Variants in CLCNKA observed in about 807,000 individuals in gnomAD.
The protein encoded by CLCNKA is chloride channel protein ClC-Ka.
A neutral mutation model predicts 83.3 loss-of-function variants in CLCNKA; 66 were observed. That is an observed-to-expected ratio of 0.79 (90% CI 0.65 to 0.97). The LOEUF is 0.97. CLCNKA is among the 50% of genes least tolerant of loss of function. The probability of loss-of-function intolerance (pLI) is 0.00; values close to 1 mark genes in which losing one functional copy is unlikely to be tolerated. For missense variants in CLCNKA, 806 were observed against 888.7 expected (o/e 0.91, Z 1.18); for synonymous variants, 357 against 370.4 (o/e 0.96, Z 0.42).
intron 14 of CLCNKA, 51 bp downstream of exon 14, chr1:16,030,126 G>C: frequency 7.2e-7 from 1 of 1,382,018 alleles, no homozygotes. Context: ...GGCTGGGCTG[G>C]ACCTGGAGAA....
chr1:16,026,544 C>A lies in CLCNKA; in HGVS notation c.507C>A (p.Phe169Leu). Reference protein sequence around the residue: ...STLFLGKVGPFVHLSVMIAAY... With the variant: ...STLFLGKVGPLVHLSVMIAAY... ...CACCCTTCCCTCTGCAGGGCCCTTT[C>A]GTGCACCTGTCTGTAATGATCGCTG... The change falls in exon 6 of 20, where the codon TTC becomes TTA. Residue 169 changes from phenylalanine to leucine, a missense_variant. Physicochemically the swap from Phe to Leu is conservative, Grantham distance 22 (BLOSUM62 0). Transcript: ENST00000331433. The A allele has an allele frequency of 6.2e-7, 1 of 1,614,018 alleles. No homozygotes were observed. The highest frequency in any genetic ancestry group is 8.5e-7 in the Non-Finnish European group (1 of 1,180,030).
At position 16,030,477 on chromosome 1, in the gene CLCNKA, A is replaced by G. The variant is rs1358195990; in HGVS notation, c.1425A>G (p.Ser475=). 6.2e-7 allele frequency: 1 copy of G among 1,612,714 alleles called. No individual in the cohort carries two copies. The highest frequency in any genetic ancestry group is 1.1e-5 in the South Asian group (1 of 91,072). The part of the protein sequence containing the change: ...GYALAGAAAF[S]GAVTHTISTA... ...CCCCGGCAGGGGCTGCAGCCTTCTC[A>G]GGGGCTGTGACCCACACCATCTCCA... Residue 475 remains serine (S), a synonymous_variant, in exon 15 of 20, where the codon TCA becomes TCG. Transcript: ENST00000331433.
At chr1:16,029,875 T>C (rs1470557905) in intron 13 of CLCNKA, 75 bp downstream of exon 13, 6 of 1,603,626 alleles carry the variant, frequency 3.7e-6, no homozygotes, top group Non-Finnish European at 5.1e-6. Flanking sequence ...TTCACCCTCT[T>C]CCCGGGTGGT....
At chr1:16,023,269 G>T (rs1015539280) in intron 2 of CLCNKA, among the ~76,000 whole-genome samples, 17 of 152,232 alleles carry the variant, frequency 1.1e-4, no homozygotes, top group African/African-American at 3.9e-4. Flanking sequence ...GGACCCAGAG[G>T]ATACCTGGCG....
chr1:16,025,746 T>G (rs920912491), intron 4 of CLCNKA, among the ~76,000 whole-genome samples: 17 of 152,178 alleles, frequency 1.1e-4, no homozygotes, highest in East Asian at 3.8e-4. Context: ...TGAGAGTTTT[T>G]TTTGTTTGTT....
chr1:16,026,303 C>T, intron 5 of CLCNKA, 56 bp downstream of exon 5: 2 of 1,596,174 alleles, frequency 1.3e-6, no homozygotes, highest in Non-Finnish European at 8.6e-7. Flanking sequence ...CCTGCCCCAG[C>T]TCTCCCCCAT....
At chr1:16,030,416 C>A (rs540115700) in intron 14 of CLCNKA, 45 bp from the exon 15 acceptor site, 1 of 1,608,416 alleles carries the variant, frequency 6.2e-7, no homozygotes, top group Admixed American at 1.7e-5. Context: ...CAGGCTGGCC[C>A]CTGCCTCCTG....
Position 16,033,867 on chromosome 1 carries a change from C to T in CLCNKA, c.*209C>T. 1 of 659,764 alleles carries T rather than the reference C, an allele frequency of 1.5e-6. No homozygotes were observed. Among genetic ancestry groups the T allele is most frequent in the Non-Finnish European group, 2.8e-6 (1 of 359,376 alleles). The allele number at this position is 659,764 out of a possible 1,614,324, so 40.9% of individuals were successfully genotyped here. On this transcript the variant is annotated 3_prime_UTR_variant, in exon 20 of 20. Coordinates refer to ENST00000331433, the MANE Select transcript of CLCNKA (RefSeq NM_004070.4). ...CCTGCCTTGAAAGACAAAAATCCCA[C>T]CTTGGGCAGAGCTGAGTGTGAGAAG...
chr1:16,030,387 G>C, intron 14 of CLCNKA, 74 bp from the exon 15 acceptor site: 4 of 1,568,294 alleles, frequency 2.6e-6, no homozygotes, highest in East Asian at 4.5e-5. Flanking sequence ...CAGCAGCCAG[G>C]CTAGTTATTC....
intron 3 of CLCNKA, 75 bp downstream of exon 3, chr1:16,024,003 C>A: frequency 1.3e-6 from 2 of 1,578,220 alleles, no homozygotes; most frequent in Non-Finnish European, 1.7e-6. Context: ...GATGGGCCAC[C>A]AAGTGCAGCG....
Position 16,027,177 on chromosome 1 carries a change from C to T in CLCNKA, c.656-133C>T, listed in dbSNP as rs776551951. On this transcript the variant is annotated intron_variant, in intron 7 of 19. Coordinates refer to ENST00000331433, the MANE Select transcript of CLCNKA (RefSeq NM_004070.4). ...CCCAGGGCGCAAGCCCTGCCCTCCC[C>T]TTCTGTCTGTCCCTGTCCGGGCTGT... 41 of 1,367,600 alleles carry T rather than the reference C, an allele frequency of 3.0e-5. No individual in the cohort carries two copies. The Middle Eastern group carries it at 7.6e-4, about 25-fold the overall frequency. 84.7% of individuals were successfully genotyped at this position (1,367,600 alleles called of 1,614,324 possible).
At position 16,023,913 on chromosome 1, in the gene CLCNKA, G is replaced by A. The variant is rs775998841; in HGVS notation, c.214G>A (p.Gly72Arg). 8.1e-6 allele frequency: 13 copies of A among 1,614,148 alleles called. No homozygotes were observed. The highest frequency in any genetic ancestry group is 1.1e-5 in the South Asian group (1 of 91,084). The change falls in exon 3 of 20, where the codon GGG becomes AGG. Residue 72 changes from glycine to arginine, a missense_variant. Physicochemically the swap from Gly to Arg is moderately radical, Grantham distance 125. Transcript: ENST00000331433. ...CAGCTATGCCATGAACTTTGCCATC[G>A]GGTGTGTGGTCCGAGGTAACTCTTC... ...LVSYAMNFAI[G>R]CVVRAHQWLY...
intron 15 of CLCNKA, among the ~76,000 whole-genome samples, chr1:16,031,028 T>G (rs1485979397): frequency 1.3e-5 from 2 of 152,116 alleles, no homozygotes; most frequent in Non-Finnish European, 2.9e-5. Flanking sequence ...TCTCCTCCCC[T>G]CTCCCCACTC....
Position 16,022,627 on chromosome 1 carries a change from A to T in CLCNKA, c.8A>T (p.Glu3Val). 1 of 1,564,196 alleles carries T rather than the reference A, an allele frequency of 6.4e-7. No homozygotes were observed. Among genetic ancestry groups the T allele is most frequent in the Non-Finnish European group, 8.7e-7 (1 of 1,153,820 alleles). The part of the protein sequence containing the change: ME[E>V]LVGLREGFSG... ...TGCTTCTCCAGGGGCCTGATGGAGG[A>T]GTTGGTGGGGCTGCGTGAGGGCTTC... Residue 3 changes from glutamate to valine, a missense_variant, in exon 2 of 20, where the codon GAG becomes GTG. Transcript: ENST00000331433.
intron 19 of CLCNKA, 45 bp from the exon 20 acceptor site, chr1:16,033,566 C>A: frequency 1.0e-6 from 1 of 978,446 alleles, no homozygotes; most frequent in Non-Finnish European, 1.6e-6. Flanking sequence ...CCCTCACAAC[C>A]TCCTCTACAT....
intron 11 of CLCNKA, 49 bp downstream of exon 11, chr1:16,028,894 T>C: frequency 6.3e-7 from 1 of 1,599,176 alleles, no homozygotes; most frequent in African/African-American, 1.3e-5. Context: ...CCCATTTGTT[T>C]TCCCCTTTGC....
chr1:16,025,623 G>T (rs564406334), intron 4 of CLCNKA, among the ~76,000 whole-genome samples: 24 of 152,086 alleles, frequency 1.6e-4, no homozygotes, highest in African/African-American at 5.5e-4. Flanking sequence ...GGAAGTCGGG[G>T]TTATAATGAG....
chr1:16,030,065 T>C lies in CLCNKA; in HGVS notation c.1398T>C (p.Tyr466=). The change falls in exon 14 of 20, where the codon TAT becomes TAC. Residue 466 remains tyrosine (Y), a synonymous_variant. Coordinates refer to ENST00000331433, the MANE Select transcript of CLCNKA (RefSeq NM_004070.4). ...CCAATCCCATCATGCCCGGGGGGTA[T>C]GCTCTGGCAGGTGAGTGGGTCACGG... ...GVTNPIMPGG[Y]ALAGAAAFSG... 1 of 1,606,274 alleles carries C rather than the reference T, an allele frequency of 6.2e-7. No homozygotes were observed. Among genetic ancestry groups the C allele is most frequent in the South Asian group, 1.1e-5 (1 of 90,986 alleles).
intron 4 of CLCNKA, among the ~76,000 whole-genome samples, chr1:16,025,603 T>C (rs1173704969): frequency 6.7e-6 from 1 of 148,634 alleles, no homozygotes; most frequent in Non-Finnish European, 1.5e-5. Flanking sequence ...AGGATCACTT[T>C]TGAGCCTGAG....
Sources: gnomAD v4.1 joint callset for allele counts (sites outside exome capture counted in the v4.1 genomes callset) on GRCh38, gnomAD v4.1.1 for gene constraint, MANE v1.5 for transcripts, NCBI Gene and HGNC (gene_info 2026-07-23, HGNC 2026-07-21) for gene names.